The following WDR72 variants were observed in gnomAD, a reference collection of about 807,000 sequenced individuals.
WDR72 encodes the protein WD repeat-containing protein 72.
A neutral mutation model predicts 124.2 loss-of-function variants in WDR72; 120 were observed. The observed-to-expected ratio is 0.97, with a 90% CI of 0.83 to 1.12. The LOEUF (loss-of-function observed/expected upper bound fraction) is 1.12. Among genes scored for constraint, WDR72 ranks in the 50% most tolerant of loss-of-function variants. WDR72 has a pLI of 0.00. For synonymous variants in WDR72, 452 were observed against 441.7 expected (o/e 1.02, Z -0.29); for missense variants, 1,387 against 1,278.8 (o/e 1.08, Z -1.29).
chr15:53,691,620 CAGATAGATAGATAGAT>C (rs71746507), intron 13 of WDR72, among the ~76,000 whole-genome samples: 5,501 of 145,534 alleles, frequency 0.038, 122 homozygotes, highest in African/African-American at 0.047. Context: ...GACAGACAGA[CAGATAGATAGATAGAT>C]AGATAGATAG....
chr15:53,740,266 C>T (rs1383689960), intron 1 of WDR72, among the ~76,000 whole-genome samples: 1 of 151,762 alleles, frequency 6.6e-6, no homozygotes, highest in Non-Finnish European at 1.5e-5. Flanking sequence ...TATCCCATAG[C>T]AGAAAATATT....
At chr15:53,545,668 C>G (rs1893415212) in intron 18 of WDR72, among the ~76,000 whole-genome samples, 3 of 141,750 alleles carry the variant, frequency 2.1e-5, no homozygotes, top group Admixed American at 7.1e-5. Context: ...CAAATGGGAT[C>G]TAATTAAACT....
At chr15:53,567,055 T>C (rs1362558373) in intron 18 of WDR72, among the ~76,000 whole-genome samples, 1 of 151,918 alleles carries the variant, frequency 6.6e-6, no homozygotes, top group African/African-American at 2.4e-5. Context: ...GAGTGATTCC[T>C]GTGTACCTGA....
At chr15:53,722,700 T>C in intron 3 of WDR72, 102 bp downstream of exon 3, 1 of 989,492 alleles carries the variant, frequency 1.0e-6, no homozygotes, top group Admixed American at 1.7e-5. Flanking sequence ...GAGGCACATG[T>C]TGATCACAAA....
At chr15:53,640,789 GTT>G (rs1435543034) in intron 14 of WDR72, among the ~76,000 whole-genome samples, 1 of 151,980 alleles carries the variant, frequency 6.6e-6, no homozygotes, top group Admixed American at 6.6e-5. Context: ...TTAAAGACTA[GTT>G]GTATTTTTCT....
At chr15:53,539,972 C>T (rs142534014) in intron 18 of WDR72, among the ~76,000 whole-genome samples, 2 of 152,058 alleles carry the variant, frequency 1.3e-5, no homozygotes, top group East Asian at 3.9e-4. Flanking sequence ...TTTTAAAAAG[C>T]AGTGGTCACA....
At chr15:53,587,122 C>T (rs968410271) in intron 18 of WDR72, among the ~76,000 whole-genome samples, 3 of 151,992 alleles carry the variant, frequency 2.0e-5, no homozygotes, top group East Asian at 1.9e-4. Context: ...TGCTTAGGAA[C>T]GCCTTTCACA....
At chr15:53,540,936 G>A (rs113226752) in intron 18 of WDR72, 6,869 of 156,906 alleles carry the variant, frequency 0.044, 437 homozygotes, top group African/African-American at 0.14. Flanking sequence ...TTTTCGGACC[G>A]GCTTAAAAAA....
chr15:53,547,122 A>G (rs62005902), intron 18 of WDR72, among the ~76,000 whole-genome samples: 29,004 of 152,242 alleles, frequency 0.19, 2,886 homozygotes, highest in Middle Eastern at 0.24. Context: ...TTTCCCATCA[A>G]AATAAGGAAA....
intron 17 of WDR72, among the ~76,000 whole-genome samples, chr15:53,603,881 C>A (rs1291047679): frequency 6.6e-6 from 1 of 152,120 alleles, no homozygotes; most frequent in African/African-American, 2.4e-5. Context: ...TAGGAAGAAT[C>A]AACGTCATTA....
At chr15:53,595,474 A>C (rs1209256587) in intron 18 of WDR72, among the ~76,000 whole-genome samples, 1 of 152,148 alleles carries the variant, frequency 6.6e-6, no homozygotes, top group African/African-American at 2.4e-5. Context: ...AGTAAGCCAA[A>C]TGACAGAAAA....
chr15:53,594,627 T>TA (rs60703765), intron 18 of WDR72, among the ~76,000 whole-genome samples: 2,082 of 141,946 alleles, frequency 0.015, 38 homozygotes, highest in African/African-American at 0.043. Context: ...AAATAAAAAT[T>TA]AAAAAAAAAA....
chr15:53,721,112 A>G (rs958536824), intron 3 of WDR72, among the ~76,000 whole-genome samples: 1 of 152,210 alleles, frequency 6.6e-6, no homozygotes. Context: ...TAGATACAGC[A>G]TAAGTTTTAG....
At chr15:53,549,942 G>T (rs1893659744) in intron 18 of WDR72, among the ~76,000 whole-genome samples, 1 of 152,068 alleles carries the variant, frequency 6.6e-6, no homozygotes, top group Non-Finnish European at 1.5e-5. Context: ...GTGCTTATTT[G>T]CTTTCTCTTT....
intron 13 of WDR72, among the ~76,000 whole-genome samples, chr15:53,677,236 A>G (rs1378118952): frequency 6.6e-6 from 1 of 152,104 alleles, no homozygotes; most frequent in African/African-American, 2.4e-5. Context: ...TGCTTCTTAA[A>G]CATAATATAT....
chr15:53,530,718 A>G (rs1245228433), intron 18 of WDR72, among the ~76,000 whole-genome samples: 2 of 152,084 alleles, frequency 1.3e-5, no homozygotes, highest in Non-Finnish European at 2.9e-5. Flanking sequence ...GCATCATGCT[A>G]GCATTTGAGA....
chr15:53,740,034 G>A (rs2018466086), intron 1 of WDR72, among the ~76,000 whole-genome samples: 1 of 152,124 alleles, frequency 6.6e-6, no homozygotes, highest in Admixed American at 6.5e-5. Flanking sequence ...TACACTAAGG[G>A]ATAAATAACT....
At chr15:53,704,828 A>AAAC (rs1432544850) in intron 11 of WDR72, among the ~76,000 whole-genome samples, 160 bp downstream of exon 11, 4 of 151,356 alleles carry the variant, frequency 2.6e-5, no homozygotes, top group South Asian at 4.2e-4. Context: ...AAAAAAAAAA[A>AAAC]AAAACCTATA....
chr15:53,626,149 G>A (rs548501712), intron 14 of WDR72, among the ~76,000 whole-genome samples: 10 of 152,274 alleles, frequency 6.6e-5, no homozygotes, highest in Admixed American at 1.3e-4. Flanking sequence ...ATAGCGGCAG[G>A]CCACTTCCAA....
Sources: gnomAD v4.1 joint callset for allele counts (sites outside exome capture counted in the v4.1 genomes callset) on GRCh38, gnomAD v4.1.1 for gene constraint, MANE v1.5 for transcripts, NCBI Gene and HGNC (gene_info 2026-07-23, HGNC 2026-07-21) for gene names.